Variants in SHROOM3 observed in about 807,000 individuals in gnomAD.
The protein encoded by SHROOM3 is protein Shroom3.
Under a neutral mutation model 138.6 loss-of-function variants are expected in SHROOM3, and 47 were observed. That is an observed-to-expected ratio of 0.34 (90% CI 0.27 to 0.43). The LOEUF is 0.43. Ranked by LOEUF, SHROOM3 falls within the 20% of genes least tolerant of loss-of-function variation. The probability of loss-of-function intolerance (pLI) is 1.00; values close to 1 mark genes in which losing one functional copy is unlikely to be tolerated. For synonymous variants in SHROOM3, 1,062 were observed against 1,063.3 expected (o/e 1.00, Z 0.02); for missense variants, 2,491 against 2,596.5 (o/e 0.96, Z 0.88).
chr4:76,667,387 C>T lies in SHROOM3; in HGVS notation c.324-42769C>T, dbSNP rs148487311. On this transcript the variant is annotated intron_variant, in intron 2 of 10. Transcript: ENST00000296043. Reference sequence around the variant, plus strand: ...CATGCTGGATGCAGTGATGTGATCACGGCTTACTGCAGCCTCAATCTCCAG... The same window carrying T: ...CATGCTGGATGCAGTGATGTGATCATGGCTTACTGCAGCCTCAATCTCCAG... Among the ~76,000 whole-genome samples the T allele has an allele frequency of 1.5e-3, 228 of 152,198 alleles. 4 individuals carry two copies. The East Asian group carries it at 0.039, about 26-fold the overall frequency.
intron 1 of SHROOM3, among the ~76,000 whole-genome samples, chr4:76,524,719 T>C (rs1455425783): frequency 6.6e-6 from 1 of 152,196 alleles, no homozygotes; most frequent in Non-Finnish European, 1.5e-5. Flanking sequence ...AGAGTTGGGT[T>C]AGTGGGTACC....
At position 76,697,087 on chromosome 4, in the gene SHROOM3, ATTT is replaced by A. The variant is rs1163545473; in HGVS notation, c.324-13052_324-13050del. On this transcript the variant is annotated intron_variant, in intron 2 of 10. Transcript: ENST00000296043. ...ACATGCCACCGCACCCAGCTAATTA[ATTT>A]TTTTTTTTTTTTTTTTGGTAAGAGA... Among the ~76,000 whole-genome samples the A allele has an allele frequency of 5.2e-5, 7 of 135,752 alleles. No homozygotes were observed. The East Asian group carries it at 6.4e-4, about 12-fold the overall frequency. The allele number at this position is 135,752 out of a possible 152,430, so 89.1% of individuals were successfully genotyped here. A position where few individuals can be genotyped will look rare whatever the true frequency, so the allele number is the denominator to read the frequency against.
intron 2 of SHROOM3, among the ~76,000 whole-genome samples, chr4:76,598,701 C>G (rs542539808): frequency 6.6e-6 from 1 of 152,220 alleles, no homozygotes; most frequent in Non-Finnish European, 1.5e-5. Context: ...TGACAAGGGG[C>G]CACGTGGGCA....
intron 2 of SHROOM3, among the ~76,000 whole-genome samples, chr4:76,613,582 G>A (rs774016415): frequency 2.0e-5 from 3 of 152,202 alleles, no homozygotes; most frequent in African/African-American, 7.2e-5. Flanking sequence ...TGTGCAGTTC[G>A]GCATGGAAAT....
intron 1 of SHROOM3, among the ~76,000 whole-genome samples, chr4:76,464,465 G>A (rs770209213): frequency 2.6e-5 from 4 of 151,982 alleles, no homozygotes; most frequent in Non-Finnish European, 4.4e-5. Flanking sequence ...TCTCAGATGA[G>A]ACTTTGGACT....
intron 2 of SHROOM3, among the ~76,000 whole-genome samples, chr4:76,618,127 C>G (rs552453050): frequency 2.6e-5 from 4 of 152,102 alleles, no homozygotes; most frequent in Admixed American, 6.5e-5. Context: ...CAGGGAGACT[C>G]CATATCTAAA....
At chr4:76,444,484 CTTTTTTTTTTTTT>C (rs61655085) in intron 1 of SHROOM3, among the ~76,000 whole-genome samples, 8 of 60,150 alleles carry the variant, frequency 1.3e-4, no homozygotes, top group African/African-American at 3.3e-4. Context: ...CTCTTTCTTT[CTTTTTTTTTTTTT>C]TTTTTTTTTT....
chr4:76,705,466 C>T (rs1159073583), intron 2 of SHROOM3, among the ~76,000 whole-genome samples: 1 of 152,198 alleles, frequency 6.6e-6, no homozygotes, highest in African/African-American at 2.4e-5. Flanking sequence ...CACTGCACTC[C>T]AGCCTGGGTG....
chr4:76,493,718 T>C (rs182197333), intron 1 of SHROOM3, among the ~76,000 whole-genome samples: 172 of 152,336 alleles, frequency 1.1e-3, no homozygotes, highest in South Asian at 5.4e-3. Flanking sequence ...TGGTGGCTCA[T>C]GCCTGTAATC....
At chr4:76,596,591 CA>C (rs1163935520) in intron 2 of SHROOM3, among the ~76,000 whole-genome samples, 3 of 147,230 alleles carry the variant, frequency 2.0e-5, no homozygotes, top group East Asian at 3.9e-4. Context: ...AACACACACA[CA>C]CACACACACA....
At chr4:76,614,574 C>A (rs1291240774) in intron 2 of SHROOM3, among the ~76,000 whole-genome samples, 1 of 152,108 alleles carries the variant, frequency 6.6e-6, no homozygotes, top group East Asian at 1.9e-4. Context: ...CTGCACCCAT[C>A]AACCTGTCAT....
intron 2 of SHROOM3, among the ~76,000 whole-genome samples, chr4:76,704,910 G>A (rs1054095076): frequency 5.3e-5 from 8 of 152,150 alleles, no homozygotes; most frequent in Non-Finnish European, 1.0e-4. Flanking sequence ...GGTTGTAACA[G>A]ACCATGCCAA....
At chr4:76,759,813 C>A in intron 9 of SHROOM3, 118 bp downstream of exon 9, 1 of 1,134,544 alleles carries the variant, frequency 8.8e-7, no homozygotes, top group Non-Finnish European at 1.3e-6. Flanking sequence ...TGTCACATCA[C>A]CAGATTGCAC....
At chr4:76,695,097 G>A (rs1445337174) in intron 2 of SHROOM3, among the ~76,000 whole-genome samples, 1 of 152,172 alleles carries the variant, frequency 6.6e-6, no homozygotes, top group Non-Finnish European at 1.5e-5. Context: ...TACTGGTGGT[G>A]GGGGATGGTT....
At chr4:76,668,984 A>G (rs1326655507) in intron 2 of SHROOM3, among the ~76,000 whole-genome samples, 1 of 152,164 alleles carries the variant, frequency 6.6e-6, no homozygotes, top group South Asian at 2.1e-4. Context: ...GTGCACAAGC[A>G]TATTGCATTT....
Position 76,755,221 on chromosome 4 carries a change from C to T in SHROOM3, c.4709+29C>T, listed in dbSNP as rs557356335. ...AGTGAGCAGACTGGGCAGCTTTCCC[C>T]CACTAACAGGAGAGTGTCATGCCCC... is the stretch of plus-strand genomic sequence containing the variant. On this transcript the variant is annotated intron_variant, in intron 7 of 10. Transcript: ENST00000296043. The T allele has an allele frequency of 5.6e-6, 9 of 1,608,148 alleles. No homozygotes were observed. In the East Asian group the frequency reaches 1.8e-4, roughly 32 times the overall value.
At chr4:76,620,440 G>A (rs1484315733) in intron 2 of SHROOM3, among the ~76,000 whole-genome samples, 2 of 152,238 alleles carry the variant, frequency 1.3e-5, no homozygotes, top group Non-Finnish European at 2.9e-5. Flanking sequence ...CCCAGGAGAG[G>A]AGGGCTGGTA....
chr4:76,614,190 G>A (rs2110062770), intron 2 of SHROOM3, among the ~76,000 whole-genome samples: 1 of 152,262 alleles, frequency 6.6e-6, no homozygotes, highest in Non-Finnish European at 1.5e-5. Flanking sequence ...GAGTAGCTGG[G>A]ACTACAGGCG....
At position 76,619,650 on chromosome 4, in the gene SHROOM3, T is replaced by C. The variant is rs190589306; in HGVS notation, c.323+63887T>C. Among the ~76,000 whole-genome samples, 3 of 152,268 alleles carry C rather than the reference T, an allele frequency of 2.0e-5. No individual in the cohort carries two copies. The East Asian group carries it at 5.8e-4, about 29-fold the overall frequency. ...ATCTAATGAGAGGCGAGCTACTGTTTTTATTGTAAGAGACAGAGCTGTAAT... is the reference window on the plus strand; with the variant it reads ...ATCTAATGAGAGGCGAGCTACTGTTCTTATTGTAAGAGACAGAGCTGTAAT... On this transcript the variant is annotated intron_variant, in intron 2 of 10. Coordinates refer to ENST00000296043, the MANE Select transcript of SHROOM3 (RefSeq NM_020859.4).
Sources: gnomAD v4.1 joint callset for allele counts (sites outside exome capture counted in the v4.1 genomes callset) on GRCh38, gnomAD v4.1.1 for gene constraint, MANE v1.5 for transcripts, NCBI Gene and HGNC (gene_info 2026-07-23, HGNC 2026-07-21) for gene names.